ARHGEF28: variants seen among roughly 807,000 people sequenced by gnomAD.
ARHGEF28 encodes 190 kDa guanine nucleotide exchange factor.
ARHGEF28 carries 152 observed loss-of-function variants against 206.6 expected under a neutral mutation model. The observed-to-expected ratio is 0.74, with a 90% confidence interval of 0.64 to 0.84. The LOEUF is 0.84. Among genes scored for constraint, ARHGEF28 ranks in the 40% least tolerant of loss-of-function variants. The pLI is 0.00. For missense variants in ARHGEF28, 2,028 were observed against 2,073.2 expected, an observed-to-expected ratio of 0.98 and a Z score of 0.42; for synonymous variants, 763 against 776.4, an observed-to-expected ratio of 0.98 and a Z score of 0.29.
In ARHGEF28 at chr5:73,904,213, G is replaced by T. The variant is rs1316610863; in HGVS notation, c.4075-9G>T. ...GGTTATTCATTTTCTTGTTTTTTAT[G>T]TATTTTAGGTGGAATGTAGAAATTT... On this transcript the variant is annotated splice_polypyrimidine_tract_variant and intron_variant, in intron 31 of 35. Coordinates refer to ENST00000513042, the MANE Select transcript of ARHGEF28 (RefSeq NM_001177693.2). 2 of 1,613,422 alleles carry T rather than the reference G, an allele frequency of 1.2e-6. No individual in the cohort carries two copies.
intron 2 of ARHGEF28, among the ~76,000 whole-genome samples, chr5:73,740,286 T>C (rs1031039847): frequency 3.9e-5 from 6 of 151,972 alleles, no homozygotes; most frequent in African/African-American, 9.7e-5. Context: ...AAGCAATTAA[T>C]CAATCTAGAA....
chr5:73,841,735 A>G (rs1214036643), intron 11 of ARHGEF28, among the ~76,000 whole-genome samples: 1 of 151,562 alleles, frequency 6.6e-6, no homozygotes, highest in Non-Finnish European at 1.5e-5. Flanking sequence ...AAAAGAGAGA[A>G]AAAGAAAAAC....
At chr5:73,940,388 A>G (rs1260391946) in intron 35 of ARHGEF28, among the ~76,000 whole-genome samples, 1 of 151,892 alleles carries the variant, frequency 6.6e-6, no homozygotes, top group Non-Finnish European at 1.5e-5. Flanking sequence ...TTCACTTTTT[A>G]CCCCCACCCC....
rs1762888491 is a variant in ARHGEF28, at chr5:73,911,304, A to G, written c.4677A>G (p.Leu1559=). Residue 1559 remains leucine (L), a synonymous_variant, in exon 35 of 36, where the codon TTA becomes TTG. Transcript: ENST00000513042. ...EVMELNRSES[L]CHENSFFINE... ...TGGAACTTAATCGATCTGAGAGTTT[A>G]TGTCATGAAAACTCATTCTTCATCA... 6.2e-7 allele frequency: 1 copy of G among 1,603,206 alleles called. No individual in the cohort carries two copies. The highest frequency in any genetic ancestry group is 2.2e-5 in the East Asian group (1 of 44,768).
At chr5:73,823,443 A>T (rs895771054) in intron 9 of ARHGEF28, among the ~76,000 whole-genome samples, 1 of 152,314 alleles carries the variant, frequency 6.6e-6, no homozygotes, top group East Asian at 1.9e-4. Context: ...GAAATTACAG[A>T]TAGTAAAGAG....
chr5:73,901,018 A>T lies in ARHGEF28; in HGVS notation c.3974-166A>T, dbSNP rs3749639. 0.43 allele frequency: 236,605 copies of T among 552,350 alleles called. 52,214 individuals are homozygous for T. Among genetic ancestry groups the T allele is most frequent in the African/African-American group, 0.61 (32,288 of 52,730 alleles). 34.2% of individuals were successfully genotyped at this position (552,350 alleles called of 1,614,324 possible). A position where few individuals can be genotyped will look rare whatever the true frequency, so the allele number is the denominator to read the frequency against. ...CCCCATGTGGGCAGGGACCACATGC[A>T]TTGCTCTGCGCTCATCCAAGCACCT... On this transcript the variant is annotated intron_variant, in intron 30 of 35. Coordinates refer to ENST00000513042, the MANE Select transcript of ARHGEF28 (RefSeq NM_001177693.2).
At chr5:73,699,807 T>G (rs545515988) in intron 2 of ARHGEF28, among the ~76,000 whole-genome samples, 21 of 152,340 alleles carry the variant, frequency 1.4e-4, no homozygotes, top group Admixed American at 6.5e-4. Context: ...ATAAAGTGAT[T>G]AATGAAGTAT....
At chr5:73,644,223 G>A (rs953878764) in intron 1 of ARHGEF28, among the ~76,000 whole-genome samples, 2 of 151,534 alleles carry the variant, frequency 1.3e-5, no homozygotes, top group South Asian at 4.2e-4. Context: ...TGTCTCCCAT[G>A]ATGTATTATC....
At position 73,909,567 on chromosome 5, in the gene ARHGEF28, T is replaced by A; in HGVS notation, c.4317T>A (p.Asn1439Lys). The A allele has an allele frequency of 6.4e-7, 1 of 1,570,240 alleles. No homozygotes were observed. Among genetic ancestry groups the A allele is most frequent in the South Asian group, 1.2e-5 (1 of 86,048 alleles). The change falls in exon 34 of 36, where the codon AAT (asparagine) becomes AAA (lysine). Residue 1439 changes from asparagine (N) to lysine (K), a missense_variant. Around this residue, in one of 3 missense-constraint regions of ARHGEF28, gnomAD observed 803 missense variants for 768.0 expected, o/e 1.05. Transcript: ENST00000513042. The stretch of plus-strand genomic sequence containing the variant: ...ACAGGCAGCATGAGGAGCTGGCCAA[T>A]GTGCACCAGCTTCAGCACCAGCTCC... ...DADRQHEELANVHQLQHQLQQ... is the reference protein window; with the variant it reads ...DADRQHEELAKVHQLQHQLQQ...
chr5:73,919,046 T>A (rs1763375266), intron 35 of ARHGEF28, among the ~76,000 whole-genome samples: 3 of 152,146 alleles, frequency 2.0e-5, no homozygotes, highest in Non-Finnish European at 4.4e-5. Flanking sequence ...TGCCGTGGGA[T>A]CCCTAAGTCT....
intron 35 of ARHGEF28, among the ~76,000 whole-genome samples, chr5:73,930,291 A>C (rs1393413536): frequency 2.6e-5 from 4 of 152,224 alleles, no homozygotes; most frequent in Admixed American, 6.5e-5. Flanking sequence ...AAATTTGCCC[A>C]TATGCTGGGC....
intron 25 of ARHGEF28, chr5:73,887,346 G>T (rs903440803): frequency 2.3e-5 from 7 of 299,894 alleles, no homozygotes; most frequent in Non-Finnish European, 3.6e-5. Flanking sequence ...TTTTTTAATG[G>T]ATATTTTTCT....
intron 16 of ARHGEF28, among the ~76,000 whole-genome samples, chr5:73,859,878 CA>C (rs1358094654): frequency 2.0e-5 from 3 of 152,204 alleles, no homozygotes; most frequent in African/African-American, 7.2e-5. Flanking sequence ...GGGTAATCTT[CA>C]CCCACTGCTT....
At chr5:73,793,647 C>CT in intron 7 of ARHGEF28, among the ~76,000 whole-genome samples, 1 of 151,812 alleles carries the variant, frequency 6.6e-6, no homozygotes, top group South Asian at 2.1e-4. Context: ...TATGTCCTTG[C>CT]TAGGGATATC....
intron 7 of ARHGEF28, among the ~76,000 whole-genome samples, chr5:73,785,506 G>A (rs903211010): frequency 1.3e-5 from 2 of 152,082 alleles, no homozygotes; most frequent in African/African-American, 2.4e-5. Context: ...TTTTCAAACT[G>A]TTCACAGTGA....
intron 5 of ARHGEF28, among the ~76,000 whole-genome samples, chr5:73,776,008 T>C (rs1303606221): frequency 6.6e-6 from 1 of 152,242 alleles, no homozygotes. Context: ...GTGCATGTTT[T>C]AATTTGCATA....
rs386404106 is a variant in ARHGEF28, at chr5:73,794,347, G to GTTC, written c.911-49_911-47dup. On this transcript the variant is annotated intron_variant, in intron 7 of 35. Transcript: ENST00000513042. ...TTACACTTGTCAGCTAGTAGTTGTT[G>GTTC]TTCTTCTTAACAAAAGCTCCCATCA... 1.0e-5 allele frequency: 15 copies of GTTC among 1,449,624 alleles called. No individual in the cohort carries two copies. The African/African-American group carries it at 1.4e-4, about 14-fold the overall frequency. The allele number at this position is 1,449,624 out of a possible 1,614,324, so 89.8% of individuals were successfully genotyped here. A position where few individuals can be genotyped will look rare whatever the true frequency, so the allele number is the denominator to read the frequency against.
At chr5:73,642,037 T>C (rs945830355) in intron 1 of ARHGEF28, among the ~76,000 whole-genome samples, 19 of 152,334 alleles carry the variant, frequency 1.2e-4, no homozygotes, top group African/African-American at 4.1e-4. Context: ...CCCTAGTTTG[T>C]GGGGCTCTAA....
At chr5:73,728,519 A>G (rs1401056614) in intron 2 of ARHGEF28, among the ~76,000 whole-genome samples, 1 of 152,228 alleles carries the variant, frequency 6.6e-6, no homozygotes, top group Non-Finnish European at 1.5e-5. Context: ...CAAGTAATAT[A>G]ACAAAGCCCT....
Sources: allele counts gnomAD v4.1 joint callset (sites outside exome capture counted in the v4.1 genomes callset), GRCh38; gene constraint gnomAD v4.1.1; regional missense constraint gnomAD v4.1.1; transcripts MANE v1.5; gene names NCBI Gene and HGNC (gene_info 2026-07-23, HGNC 2026-07-21).